KAZN: variants seen among roughly 807,000 people sequenced by gnomAD.
KAZN encodes the protein kazrin.
Under a neutral mutation model 87.4 loss-of-function variants are expected in KAZN, and 40 were observed. The ratio of observed to expected loss-of-function variants is 0.46; its 90% CI spans 0.36 to 0.60. KAZN has a LOEUF of 0.60. Among genes scored for constraint, KAZN ranks in the 20% least tolerant of loss-of-function variants. The pLI is 0.00. For missense variants in KAZN, 898 were observed against 1,073.9 expected, an observed-to-expected ratio of 0.84 and a Z score of 2.29; for synonymous variants, 466 against 458.3, an observed-to-expected ratio of 1.02 and a Z score of -0.22.
At chr1:14,202,791 C>T (rs149779043) in intron 2 of KAZN, among the ~76,000 whole-genome samples, 3,038 of 152,110 alleles carry the variant, frequency 0.02, 51 homozygotes, top group Non-Finnish European at 0.029. Flanking sequence ...CTGAGGCAGG[C>T]AGATCACCTG....
At chr1:14,312,385 C>T (rs1297772860) in intron 2 of KAZN, among the ~76,000 whole-genome samples, 1 of 152,124 alleles carries the variant, frequency 6.6e-6, no homozygotes, top group Non-Finnish European at 1.5e-5. Flanking sequence ...GCACACATTG[C>T]TTGTTTTCCC....
chr1:14,562,621 G>C (rs979568843), intron 2 of KAZN, among the ~76,000 whole-genome samples: 36 of 152,280 alleles, frequency 2.4e-4, no homozygotes, highest in African/African-American at 7.7e-4. Flanking sequence ...TTTCTCTCCA[G>C]TCTTGTGGGT....
intron 2 of KAZN, among the ~76,000 whole-genome samples, chr1:14,512,418 GACAA>G (rs1019855107): frequency 6.6e-5 from 10 of 152,168 alleles, no homozygotes; most frequent in East Asian, 1.9e-4. Flanking sequence ...CGCCCACTGT[GACAA>G]ACAAAAATGT....
Position 13,905,672 on chromosome 1 carries a change from G to T in KAZN, c.91+11916G>T, listed in dbSNP as rs528477851. Among the ~76,000 whole-genome samples, 5 of 152,264 alleles carry T rather than the reference G, an allele frequency of 3.3e-5. No individual in the cohort carries two copies. The East Asian group carries it at 9.6e-4, about 29-fold the overall frequency. ...AAAACCTTGCCATCTATCCCATGTG[G>T]CTAATAAAACTCTAGCATTCATTTT... On this transcript the variant is annotated intron_variant, in intron 1 of 16. Transcript: ENST00000636203.
At chr1:13,990,823 G>T (rs769430936) in intron 1 of KAZN, among the ~76,000 whole-genome samples, 1 of 152,186 alleles carries the variant, frequency 6.6e-6, no homozygotes, top group Non-Finnish European at 1.5e-5. Context: ...TAAAGCAAGT[G>T]CAATAAATGT....
chr1:14,860,215 A>C (rs539127285), intron 1 of KAZN, among the ~76,000 whole-genome samples: 3 of 149,376 alleles, frequency 2.0e-5, no homozygotes, highest in Non-Finnish European at 4.4e-5. Flanking sequence ...TTCTTTCAAC[A>C]GGGTCTCACT....
chr1:14,924,544 C>A, intron 1 of KAZN: 1 of 1,011,994 alleles, frequency 9.9e-7, no homozygotes, highest in Non-Finnish European at 1.2e-6. Flanking sequence ...TTCCCCGGGT[C>A]CGAGCGGATG....
At chr1:14,073,802 A>G (rs1643339606) in intron 1 of KAZN, among the ~76,000 whole-genome samples, 2 of 152,148 alleles carry the variant, frequency 1.3e-5, no homozygotes, top group African/African-American at 2.4e-5. Flanking sequence ...TCTATCATTG[A>G]TGGACATTTG....
Position 14,598,994 on chromosome 1 carries a change from G to GAGC in KAZN, c.-2_1dup. ...TCTCTCGCCCCCAGGCCAAAATCCT[G>GAGC]AGCATGATGGAAGACAATAAGCAGC... is the stretch of plus-strand genomic sequence containing the variant. On this transcript the variant is annotated 5_prime_UTR_variant, in exon 1 of 15. Transcript: ENST00000376030. The surrounding 1 kb of genome is among the most constrained non-coding windows in gnomAD (Gnocchi z 4.2). 1 of 1,569,584 alleles carries GAGC rather than the reference G, an allele frequency of 6.4e-7. No individual in the cohort carries two copies. Among genetic ancestry groups the GAGC allele is most frequent in the Middle Eastern group, 1.7e-4 (1 of 5,954 alleles).
chr1:14,865,564 C>G (rs937551997), intron 1 of KAZN, among the ~76,000 whole-genome samples: 34 of 152,274 alleles, frequency 2.2e-4, no homozygotes, highest in African/African-American at 8.2e-4. Context: ...AGGGGACCCC[C>G]TCCACCAAAA....
At chr1:14,658,014 G>C (rs1463670449) in intron 1 of KAZN, among the ~76,000 whole-genome samples, 1 of 152,200 alleles carries the variant, frequency 6.6e-6, no homozygotes, top group Non-Finnish European at 1.5e-5. Context: ...GGCAGTGCAG[G>C]CACCTGGCGC....
chr1:14,199,547 C>G (rs2100399217), intron 2 of KAZN, among the ~76,000 whole-genome samples: 1 of 152,346 alleles, frequency 6.6e-6, no homozygotes, highest in East Asian at 1.9e-4. Flanking sequence ...GGGTTGCACC[C>G]TCCTTGAGTG....
At chr1:14,433,533 G>A (rs1474100472) in intron 2 of KAZN, among the ~76,000 whole-genome samples, 1 of 152,146 alleles carries the variant, frequency 6.6e-6, no homozygotes, top group African/African-American at 2.4e-5. Context: ...ACGAGGGAGG[G>A]GCTGTTGTAA....
intron 1 of KAZN, among the ~76,000 whole-genome samples, chr1:14,063,784 TGTG>T (rs1264556922): frequency 6.6e-6 from 1 of 152,144 alleles, no homozygotes; most frequent in Admixed American, 6.5e-5. Context: ...ATACTGTTCT[TGTG>T]GTAGTGAATA....
At chr1:14,888,555 C>A in intron 1 of KAZN, among the ~76,000 whole-genome samples, 1 of 151,774 alleles carries the variant, frequency 6.6e-6, no homozygotes, top group Admixed American at 6.6e-5. Context: ...TAGCTTTTTG[C>A]GTGACTATTA....
chr1:14,647,210 T>C (rs1680873512), intron 1 of KAZN, among the ~76,000 whole-genome samples: 1 of 152,206 alleles, frequency 6.6e-6, no homozygotes, highest in South Asian at 2.1e-4. Context: ...AGTTTTTCCG[T>C]TGCATGAAAA....
intron 1 of KAZN, among the ~76,000 whole-genome samples, chr1:14,169,021 A>T (rs1645892891): frequency 6.6e-6 from 1 of 152,168 alleles, no homozygotes; most frequent in South Asian, 2.1e-4. Flanking sequence ...GTTCATCTGT[A>T]CTCTGGAAGT....
At chr1:14,900,899 C>A (rs1369190996) in intron 1 of KAZN, among the ~76,000 whole-genome samples, 1 of 152,152 alleles carries the variant, frequency 6.6e-6, no homozygotes, top group African/African-American at 2.4e-5. Context: ...CCTGTGATTC[C>A]AGGGTTGGAT....
intron 1 of KAZN, among the ~76,000 whole-genome samples, chr1:13,949,412 C>A (rs1214251215): frequency 1.3e-5 from 2 of 152,168 alleles, no homozygotes; most frequent in Non-Finnish European, 2.9e-5. Flanking sequence ...TGAAAGCAAC[C>A]ACTAATTAGA....
Sources: gnomAD v4.1 joint callset for allele counts (sites outside exome capture counted in the v4.1 genomes callset) on GRCh38, gnomAD v4.1.1 for gene constraint, Gnocchi (gnomAD v3.1) non-coding constraint, MANE v1.5 for transcripts, NCBI Gene and HGNC (gene_info 2026-07-23, HGNC 2026-07-21) for gene names.